APBB2: variants seen among roughly 807,000 people sequenced by gnomAD.
The protein encoded by APBB2 is Fe65-like 1.
APBB2 carries 38 observed loss-of-function variants against 82.5 expected under a neutral mutation model. That is an observed-to-expected ratio of 0.46 (90% confidence interval 0.36 to 0.60). The LOEUF (loss-of-function observed/expected upper bound fraction) is 0.60. APBB2 is among the 20% of genes least tolerant of loss of function. The probability of loss-of-function intolerance (pLI) is 0.00; values close to 1 mark genes in which losing one functional copy is unlikely to be tolerated. For missense variants in APBB2, 772 were observed against 972.3 expected, an observed-to-expected ratio of 0.79 and a Z score of 2.74; for synonymous variants, 341 against 368.2, an observed-to-expected ratio of 0.93 and a Z score of 0.85.
At chr4:41,077,260 C>T (rs1040430684) in intron 3 of APBB2, among the ~76,000 whole-genome samples, 1 of 151,226 alleles carries the variant, frequency 6.6e-6, no homozygotes, top group Non-Finnish European at 1.5e-5. Flanking sequence ...ATCCTCCCAC[C>T]TTGACCTCTG....
intron 15 of APBB2, 44 bp downstream of exon 15, chr4:40,825,843 C>T (rs1459756854): frequency 6.5e-7 from 1 of 1,545,160 alleles, no homozygotes; most frequent in Non-Finnish European, 8.9e-7. Flanking sequence ...CCTGTGAGCT[C>T]CCGCACACTT....
At chr4:40,842,377 T>C (rs755562115) in intron 12 of APBB2, 1 of 455,738 alleles carries the variant, frequency 2.2e-6, no homozygotes, top group South Asian at 1.6e-5. Flanking sequence ...TACCTCTCTC[T>C]GAATCCGGGA....
At chr4:40,884,120 T>G (rs904383660) in intron 12 of APBB2, among the ~76,000 whole-genome samples, 2 of 152,172 alleles carry the variant, frequency 1.3e-5, no homozygotes, top group Admixed American at 1.3e-4. Context: ...TTTAGACCAT[T>G]CACCATCTCT....
chr4:41,124,638 G>A (rs1753866732), intron 2 of APBB2, among the ~76,000 whole-genome samples: 1 of 152,218 alleles, frequency 6.6e-6, no homozygotes, highest in African/African-American at 2.4e-5. Context: ...TTCTCAAGCT[G>A]GCTATTTTTG....
intron 10 of APBB2, among the ~76,000 whole-genome samples, 187 bp downstream of exon 10, chr4:40,934,269 C>G (rs189231420): frequency 6.6e-6 from 1 of 152,248 alleles, no homozygotes; most frequent in African/African-American, 2.4e-5. Context: ...TTCTAGAAAT[C>G]CCCCCAAACC....
chr4:41,014,427 T>G, intron 5 of APBB2, 29 bp from the exon 6 acceptor site: 1 of 1,591,370 alleles, frequency 6.3e-7, no homozygotes. Context: ...ATTAGACACC[T>G]GCCATGATTA....
intron 1 of APBB2, among the ~76,000 whole-genome samples, chr4:41,172,990 T>G (rs1225915530): frequency 6.6e-6 from 1 of 152,208 alleles, no homozygotes; most frequent in Admixed American, 6.5e-5. Context: ...TACTCATCAT[T>G]AGTACATTTT....
intron 5 of APBB2, among the ~76,000 whole-genome samples, chr4:41,025,978 T>C (rs140852000): frequency 0.19 from 26,985 of 141,050 alleles, 2,599 homozygotes; most frequent in Non-Finnish European, 0.22. Flanking sequence ...AAAAGGAAAA[T>C]GTGGTACATA....
At chr4:41,148,649 C>T (rs2154025953) in intron 1 of APBB2, among the ~76,000 whole-genome samples, 2 of 152,332 alleles carry the variant, frequency 1.3e-5, no homozygotes, top group Middle Eastern at 3.4e-3. Flanking sequence ...CAGGCGGCAC[C>T]TAATCGGAAT....
chr4:40,856,618 A>G (rs1032817798), intron 12 of APBB2, among the ~76,000 whole-genome samples: 27 of 152,250 alleles, frequency 1.8e-4, no homozygotes. Context: ...GAAGACAGAA[A>G]TGTGGCCTCA....
intron 10 of APBB2, among the ~76,000 whole-genome samples, chr4:40,914,339 C>A (rs1779323823): frequency 6.6e-6 from 1 of 152,114 alleles, no homozygotes; most frequent in African/African-American, 2.4e-5. Context: ...CACCACTGCA[C>A]TCTGGCCTGG....
intron 2 of APBB2, among the ~76,000 whole-genome samples, chr4:41,128,863 C>T (rs1014609462): frequency 1.1e-4 from 16 of 152,146 alleles, no homozygotes; most frequent in African/African-American, 3.1e-4. Flanking sequence ...TTTTAATTTT[C>T]CTTCACATCC....
chr4:40,963,371 T>G (rs1560397940), intron 6 of APBB2, among the ~76,000 whole-genome samples: 1 of 152,096 alleles, frequency 6.6e-6, no homozygotes, highest in African/African-American at 2.4e-5. Context: ...CTCAGCTTCC[T>G]GAGTGGCTAG....
chr4:41,083,808 A>T (rs2153938379), intron 3 of APBB2, among the ~76,000 whole-genome samples: 1 of 151,614 alleles, frequency 6.6e-6, no homozygotes, highest in East Asian at 1.9e-4. Context: ...ACAGTAACTT[A>T]TTTCATCACA....
At chr4:41,097,456 C>G (rs908185996) in intron 3 of APBB2, among the ~76,000 whole-genome samples, 1 of 152,100 alleles carries the variant, frequency 6.6e-6, no homozygotes, top group African/African-American at 2.4e-5. Flanking sequence ...CAGGACAGCC[C>G]AAAATTAAAC....
intron 3 of APBB2, among the ~76,000 whole-genome samples, chr4:41,068,677 A>G (rs1037317874): frequency 6.6e-6 from 1 of 152,152 alleles, no homozygotes; most frequent in Non-Finnish European, 1.5e-5. Context: ...AAATACTATT[A>G]TAAGCAAAAG....
intron 2 of APBB2, among the ~76,000 whole-genome samples, chr4:41,102,776 T>A (rs1745933765): frequency 6.6e-6 from 1 of 152,234 alleles, no homozygotes. Flanking sequence ...CACAAGCAAA[T>A]GTCAGGACTT....
intron 3 of APBB2, among the ~76,000 whole-genome samples, chr4:41,099,964 T>G (rs1366920811): frequency 6.6e-6 from 1 of 152,166 alleles, no homozygotes; most frequent in African/African-American, 2.4e-5. Flanking sequence ...CAGATCGACT[T>G]TATAGATCTG....
intron 2 of APBB2, among the ~76,000 whole-genome samples, chr4:41,125,109 C>T (rs1253416610): frequency 6.6e-6 from 1 of 152,186 alleles, no homozygotes; most frequent in Non-Finnish European, 1.5e-5. Flanking sequence ...GCAGGTGCTG[C>T]TGGAATTCAG....
Sources: allele counts gnomAD v4.1 joint callset (sites outside exome capture counted in the v4.1 genomes callset), GRCh38; gene constraint gnomAD v4.1.1; transcripts MANE v1.5; gene names NCBI Gene and HGNC (gene_info 2026-07-23, HGNC 2026-07-21).